The following CCDC33 variants were observed in gnomAD, a reference collection of about 807,000 sequenced individuals.
The protein encoded by CCDC33 is coiled-coil domain containing 33.
In CCDC33, 94 loss-of-function variants were observed where a neutral mutation model predicts 91.9. That is an observed-to-expected ratio of 1.02 (90% confidence interval 0.87 to 1.21). The LOEUF (loss-of-function observed/expected upper bound fraction) is 1.21, where lower values mean the gene tolerates loss of function less well. Ranked by LOEUF, CCDC33 falls within the 50% of genes most tolerant of loss-of-function variation. The pLI, the probability that CCDC33 is intolerant of heterozygous loss-of-function variation, is 0.00. For missense variants in CCDC33, 940 were observed against 935.5 expected (o/e 1.00, Z -0.06); for synonymous variants, 396 against 374.5 (o/e 1.06, Z -0.66).
chr15:74,318,452 A>G lies in CCDC33; in HGVS notation c.1291-11737A>G, dbSNP rs138152668. 218 of 423,932 alleles carry G rather than the reference A, an allele frequency of 5.1e-4. 1 individual carries two copies. In the East Asian group the frequency reaches 0.012, roughly 24 times the overall value. 26.3% of individuals were successfully genotyped at this position (423,932 alleles called of 1,614,324 possible). On this transcript the variant is annotated intron_variant, in intron 11 of 18. Transcript: ENST00000398814. Reference sequence around the variant, plus strand: ...CAGCCACCCCACCCAGACACCCCCCACCCTGGAACAAAGGGGAAGTGGCCC... The same window carrying G: ...CAGCCACCCCACCCAGACACCCCCCGCCCTGGAACAAAGGGGAAGTGGCCC...
intron 1 of CCDC33, among the ~76,000 whole-genome samples, chr15:74,240,997 G>A (rs1358618301): frequency 6.6e-6 from 1 of 152,238 alleles, no homozygotes; most frequent in Non-Finnish European, 1.5e-5. Context: ...ATGGTGGCCT[G>A]CATGAGGGTG....
At chr15:74,313,969 C>T (rs530274447) in intron 11 of CCDC33, among the ~76,000 whole-genome samples, 3 of 152,286 alleles carry the variant, frequency 2.0e-5, no homozygotes, top group South Asian at 2.1e-4. Context: ...CCCTCCTTGC[C>T]GCGTGTCCTG....
At position 74,267,905 on chromosome 15, in the gene CCDC33, C is replaced by T. The variant is rs189907583; in HGVS notation, c.430-437C>T. Among the ~76,000 whole-genome samples the T allele has an allele frequency of 7.7e-4, 117 of 152,286 alleles. 1 individual carries two copies. Among genetic ancestry groups the T allele is most frequent in the African/African-American group, 2.8e-3 (115 of 41,554 alleles). ...CTAAGCATTTCTTCAATCATGGCAC[C>T]AGGGGGCTTTACCTTCTCTTAGGCC... On this transcript the variant is annotated intron_variant, in intron 4 of 18. Coordinates refer to ENST00000398814, the MANE Select transcript of CCDC33 (RefSeq NM_025055.5).
chr15:74,271,410 C>G (rs2076312886), intron 5 of CCDC33, among the ~76,000 whole-genome samples: 1 of 152,128 alleles, frequency 6.6e-6, no homozygotes. Context: ...GGACCCAACT[C>G]TCATCGTACC....
At chr15:74,266,564 G>T in intron 3 of CCDC33, 114 bp from the exon 4 acceptor site, 2 of 747,176 alleles carry the variant, frequency 2.7e-6, no homozygotes, top group Non-Finnish European at 4.7e-6. Context: ...ATTCCTCAGT[G>T]TGGCCCCTGC....
chr15:74,311,851 G>T (rs1040442406), intron 11 of CCDC33: 1 of 152,208 alleles, frequency 6.6e-6, no homozygotes, highest in Admixed American at 6.5e-5. Flanking sequence ...TTTTATCTGT[G>T]TTCACACACT....
At chr15:74,206,309 A>G (rs1438502470) in intron 1 of CCDC33, among the ~76,000 whole-genome samples, 2 of 152,176 alleles carry the variant, frequency 1.3e-5, no homozygotes, top group African/African-American at 2.4e-5. Flanking sequence ...GCGTGGCTCA[A>G]GCTGCAAGGT....
chr15:74,313,539 C>T (rs1467409870), intron 11 of CCDC33, among the ~76,000 whole-genome samples: 4 of 151,454 alleles, frequency 2.6e-5, no homozygotes, highest in African/African-American at 9.7e-5. Context: ...CCTGCCTCAG[C>T]CTCCCAAGTG....
At chr15:74,221,291 G>A (rs142706144) in intron 2 of CCDC33, 1 of 978,878 alleles carries the variant, frequency 1.0e-6, no homozygotes, top group African/African-American at 1.8e-5. Flanking sequence ...AGGGGCAGGA[G>A]AGCAGGATGA....
chr15:74,271,967 A>G (rs1248466999), intron 6 of CCDC33, among the ~76,000 whole-genome samples, 173 bp downstream of exon 6: 1 of 152,188 alleles, frequency 6.6e-6, no homozygotes, highest in Non-Finnish European at 1.5e-5. Context: ...TTCCTGCAGC[A>G]GACCATGCCT....
chr15:74,221,216 G>GTTTT lies in CCDC33; in HGVS notation c.675+2379_675+2382dup, dbSNP rs56039521. On this transcript the variant is annotated intron_variant, in intron 2 of 2. Transcript: ENST00000635913. ...CCAGTTTGTGTAGTGTGTGGCACTGGTTTTTTTTTTTTTTTTTTTTTTTTT... is the reference window on the plus strand; with the variant it reads ...CCAGTTTGTGTAGTGTGTGGCACTGGTTTTTTTTTTTTTTTTTTTTTTTTTTTTT... 1,395 of 675,792 alleles carry GTTTT rather than the reference G, an allele frequency of 2.1e-3. 1 individual carries two copies. Among genetic ancestry groups the GTTTT allele is most frequent in the Middle Eastern group, 4.1e-3 (5 of 1,210 alleles). The allele number at this position is 675,792 out of a possible 1,614,324, so 41.9% of individuals were successfully genotyped here.
chr15:74,334,104 C>A, intron 17 of CCDC33, 137 bp downstream of exon 17: 1 of 702,880 alleles, frequency 1.4e-6, no homozygotes, highest in Non-Finnish European at 2.3e-6. Flanking sequence ...GGTCGGGGTT[C>A]AGTGTGCAAC....
chr15:74,304,775 A>G (rs923891316), intron 11 of CCDC33, among the ~76,000 whole-genome samples: 3 of 151,808 alleles, frequency 2.0e-5, no homozygotes, highest in Non-Finnish European at 4.4e-5. Flanking sequence ...TTCCTGACCG[A>G]CTTGGCCAGG....
intron 2 of CCDC33, chr15:74,221,237 T>TTC: frequency 2.0e-6 from 2 of 979,820 alleles, no homozygotes; most frequent in Non-Finnish European, 2.4e-6. Flanking sequence ...TTTTTTTTTT[T>TTC]TTTTTTCACC....
At chr15:74,242,345 GC>G (rs959633206) in intron 1 of CCDC33, among the ~76,000 whole-genome samples, 5 of 152,216 alleles carry the variant, frequency 3.3e-5, no homozygotes, top group Non-Finnish European at 7.3e-5. Context: ...CAAGGACCCA[GC>G]CTGCCGAGGC....
At position 74,262,562 on chromosome 15, in the gene CCDC33, C is replaced by A; in HGVS notation, c.308C>A (p.Ala103Glu). 1 of 1,612,816 alleles carries A rather than the reference C, an allele frequency of 6.2e-7. No individual in the cohort carries two copies. The highest frequency in any genetic ancestry group is 1.7e-5 in the Admixed American group (1 of 59,838). The change falls in exon 3 of 19, where the codon GCA becomes GAA. Residue 103 changes from alanine (A) to glutamate (E), a missense_variant. Transcript: ENST00000398814. ...AATGTGGAGATCCAAGCTGAGGATG[C>A]AGGGCAAGAAGGTAAGCAGGGGCTG... The part of the protein sequence containing the change: ...TVNVEIQAED[A>E]GQEDVILKVV...
intron 2 of CCDC33, among the ~76,000 whole-genome samples, chr15:74,228,033 G>T (rs762427141): frequency 6.6e-6 from 1 of 152,164 alleles, no homozygotes; most frequent in Admixed American, 6.5e-5. Flanking sequence ...TCTGCAGAGA[G>T]GTGTTACTGA....
In CCDC33 at chr15:74,268,310, C is replaced by T. The variant is rs2076221081; in HGVS notation, c.430-32C>T. On this transcript the variant is annotated intron_variant, in intron 4 of 18. Transcript: ENST00000398814. ...ATCTGCCCCTTAGACACTCTCCTTC[C>T]TCTGTGTCTTCTGCCCCAACCCTGT... 6 of 1,496,744 alleles carry T rather than the reference C, an allele frequency of 4.0e-6. No individual in the cohort carries two copies. In the Admixed American group the frequency reaches 6.7e-5, roughly 17 times the overall value. The allele number at this position is 1,496,744 out of a possible 1,614,324, so 92.7% of individuals were successfully genotyped here. A position where few individuals can be genotyped will look rare whatever the true frequency, so the allele number is the denominator to read the frequency against.
chr15:74,243,206 C>G (rs2075402474), intron 1 of CCDC33, among the ~76,000 whole-genome samples: 1 of 152,242 alleles, frequency 6.6e-6, no homozygotes, highest in Non-Finnish European at 1.5e-5. Context: ...GGGACAGACA[C>G]ATGCATTCAC....
Sources: allele counts gnomAD v4.1 joint callset (sites outside exome capture counted in the v4.1 genomes callset), GRCh38; gene constraint gnomAD v4.1.1; transcripts MANE v1.5; gene names NCBI Gene and HGNC (gene_info 2026-07-23, HGNC 2026-07-21).